The following ZNF664 variants were observed in gnomAD, a reference collection of about 807,000 sequenced individuals.
ZNF664 encodes zinc finger Organ of Corti 1.
ZNF664 carries 10 observed loss-of-function variants against 18.2 expected under a neutral mutation model. The observed-to-expected ratio is 0.55, with a 90% CI of 0.34 to 0.93. The LOEUF (loss-of-function observed/expected upper bound fraction) is 0.93. Ranked by LOEUF, ZNF664 falls within the 40% of genes least tolerant of loss-of-function variation. The probability of loss-of-function intolerance (pLI) is 0.02; values close to 1 mark genes in which losing one functional copy is unlikely to be tolerated. For synonymous variants in ZNF664, 119 were observed against 104.2 expected, an observed-to-expected ratio of 1.14 and a Z score of -0.86; for missense variants, 193 against 319.0, an observed-to-expected ratio of 0.61 and a Z score of 3.01.
At position 123,973,914 on chromosome 12, in the gene ZNF664, G is replaced by A. The variant is rs1440403438; in HGVS notation, c.-863G>A. 7.3e-6 allele frequency: 9 copies of A among 1,231,812 alleles called. No homozygotes were observed. Among genetic ancestry groups the A allele is most frequent in the East Asian group, 3.2e-5 (1 of 31,724 alleles). The allele number at this position is 1,231,812 out of a possible 1,614,324, so 76.3% of individuals were successfully genotyped here. ...GCCCTGCGTCCGGCAGAGGAGGCGA[G>A]CATCCCGCTCAGGTGATGAGGAACC... On this transcript the variant is annotated 5_prime_UTR_variant, in exon 2 of 5. Transcript: ENST00000337815.
intron 2 of ZNF664, among the ~76,000 whole-genome samples, chr12:123,982,983 C>A (rs1956784146): frequency 1.3e-5 from 2 of 152,016 alleles, no homozygotes; most frequent in African/African-American, 2.4e-5. Flanking sequence ...GGCAAAACCC[C>A]GTCTCTACCA....
At position 123,993,507 on chromosome 12, in the gene ZNF664, T is replaced by G. The variant is rs79063482; in HGVS notation, c.-661+5369T>G. ...CTCTGTAACTTGAGTATCTAAGTCT[T>G]CCTATACCAAGTTATATGTATTTTA... is the stretch of plus-strand genomic sequence containing the variant. On this transcript the variant is annotated intron_variant, in intron 3 of 4. Coordinates refer to ENST00000337815, the MANE Select transcript of ZNF664 (RefSeq NM_152437.3). Among the ~76,000 whole-genome samples, 381 of 152,298 alleles carry G rather than the reference T, an allele frequency of 2.5e-3. 1 individual carries two copies. The highest frequency in any genetic ancestry group is 4.0e-3 in the Admixed American group (61 of 15,304).
At chr12:123,989,339 T>A (rs1467523029) in intron 3 of ZNF664, 3 of 152,382 alleles carry the variant, frequency 2.0e-5, no homozygotes, top group Non-Finnish European at 2.9e-5. Context: ...TGGGGGCAAG[T>A]GGACCCTGGC....
chr12:123,978,915 T>A (rs780649147), intron 2 of ZNF664, among the ~76,000 whole-genome samples: 1 of 152,198 alleles, frequency 6.6e-6, no homozygotes, highest in Non-Finnish European at 1.5e-5. Flanking sequence ...GAAATTATAA[T>A]TCAGTGTGTT....
intron 2 of ZNF664, among the ~76,000 whole-genome samples, chr12:123,976,365 G>T (rs1956691649): frequency 6.6e-6 from 1 of 152,216 alleles, no homozygotes; most frequent in Non-Finnish European, 1.5e-5. Flanking sequence ...AATTTTCCAG[G>T]CAGAGGAACA....
At chr12:124,010,163 A>C (rs767483623) in intron 3 of ZNF664, among the ~76,000 whole-genome samples, 3 of 152,182 alleles carry the variant, frequency 2.0e-5, no homozygotes, top group Non-Finnish European at 4.4e-5. Flanking sequence ...ATTTTTGTAG[A>C]TATATGACCA....
chr12:123,980,467 A>T (rs990093840), intron 2 of ZNF664, among the ~76,000 whole-genome samples: 1 of 152,236 alleles, frequency 6.6e-6, no homozygotes, highest in Admixed American at 6.5e-5. Flanking sequence ...CATCAAAAGA[A>T]TATTTTTAAA....
chr12:123,977,652 G>C (rs960015182), intron 2 of ZNF664, among the ~76,000 whole-genome samples: 1 of 152,142 alleles, frequency 6.6e-6, no homozygotes, highest in African/African-American at 2.4e-5. Flanking sequence ...TGTGATGTCT[G>C]CATGTTATGG....
At chr12:123,974,288 C>T in intron 2 of ZNF664, 1 of 364,130 alleles carries the variant, frequency 2.7e-6, no homozygotes, top group East Asian at 4.0e-5. Context: ...CTGAACTGTT[C>T]TGGTTGCTAG....
intron 3 of ZNF664, 28 bp from the exon 4 acceptor site, chr12:124,011,353 C>T (rs1957134371): frequency 1.0e-6 from 1 of 1,004,366 alleles, no homozygotes; most frequent in Non-Finnish European, 1.2e-6. Flanking sequence ...TAAACAGGAG[C>T]ATGATATCTA....
chr12:124,006,785 C>T (rs1186618400), intron 3 of ZNF664, among the ~76,000 whole-genome samples: 3 of 152,204 alleles, frequency 2.0e-5, no homozygotes, highest in Non-Finnish European at 4.4e-5. Flanking sequence ...CCTGAGCTTG[C>T]AGGTGCAGGC....
At position 124,013,100 on chromosome 12, in the gene ZNF664, C is replaced by T; in HGVS notation, c.*170C>T. 3.1e-6 allele frequency: 3 copies of T among 968,666 alleles called. No individual in the cohort carries two copies. The highest frequency in any genetic ancestry group is 3.6e-5 in the South Asian group (2 of 55,506). 60.0% of individuals were successfully genotyped at this position (968,666 alleles called of 1,614,324 possible). A position where few individuals can be genotyped will look rare whatever the true frequency, so the allele number is the denominator to read the frequency against. ...GTTGGTTCATGCCAAGTGTGTTCCA[C>T]AGGTTGACTTTGAATGTGGACCTCT... On this transcript the variant is annotated 3_prime_UTR_variant, in exon 5 of 5. Coordinates refer to ENST00000337815, the MANE Select transcript of ZNF664 (RefSeq NM_152437.3).
intron 3 of ZNF664, among the ~76,000 whole-genome samples, chr12:124,004,299 C>T (rs1018883529): frequency 2.0e-5 from 3 of 152,152 alleles, no homozygotes; most frequent in African/African-American, 4.8e-5. Context: ...TAAAGACAAA[C>T]AGGGCCACAT....
intron 3 of ZNF664, among the ~76,000 whole-genome samples, chr12:123,990,335 A>G (rs770777338): frequency 2.0e-5 from 3 of 152,246 alleles, no homozygotes; most frequent in African/African-American, 4.8e-5. Context: ...TCACAAATCC[A>G]TAACTTTTGA....
intron 3 of ZNF664, among the ~76,000 whole-genome samples, chr12:123,989,109 A>G (rs1956858531): frequency 6.6e-6 from 1 of 152,042 alleles, no homozygotes; most frequent in South Asian, 2.1e-4. Context: ...GAGGTAAAGG[A>G]TATTGTGTTG....
intron 3 of ZNF664, among the ~76,000 whole-genome samples, chr12:123,990,718 C>T (rs1351303964): frequency 6.6e-6 from 1 of 152,234 alleles, no homozygotes; most frequent in Non-Finnish European, 1.5e-5. Flanking sequence ...GAAAGAATCC[C>T]CTGGCCAGTT....
rs58043898 is a variant in ZNF664, at chr12:123,977,462, C to CAA, written c.-757+3459_-757+3460dup. 9.7e-4 allele frequency among the ~76,000 whole-genome samples: 91 copies of CAA among 94,152 alleles called. 1 individual carries two copies. Among genetic ancestry groups the CAA allele is most frequent in the Admixed American group, 2.3e-3 (20 of 8,556 alleles). 61.8% of individuals were successfully genotyped at this position (94,152 alleles called of 152,430 possible). The stretch of plus-strand genomic sequence containing the variant: ...ATAACCTACTAGAACCTAAAATGGC[C>CAA]AAAAAAAAAAAAAAAAAACCCTAAA... On this transcript the variant is annotated intron_variant, in intron 2 of 4. Transcript: ENST00000337815.
chr12:123,985,429 G>T (rs1956812432), intron 2 of ZNF664, among the ~76,000 whole-genome samples: 1 of 152,104 alleles, frequency 6.6e-6, no homozygotes, highest in Non-Finnish European at 1.5e-5. Flanking sequence ...ACTGATTTTT[G>T]ATTTACTATT....
intron 2 of ZNF664, among the ~76,000 whole-genome samples, chr12:123,975,398 G>A (rs1169708971): frequency 1.3e-5 from 2 of 150,450 alleles, no homozygotes; most frequent in Non-Finnish European, 3.0e-5. Flanking sequence ...TTTTTCCTAG[G>A]GCTTTCTTTT....
Sources: allele counts gnomAD v4.1 joint callset (sites outside exome capture counted in the v4.1 genomes callset), GRCh38; gene constraint gnomAD v4.1.1; transcripts MANE v1.5; gene names NCBI Gene and HGNC (gene_info 2026-07-23, HGNC 2026-07-21).